SMURF1: variants seen among roughly 807,000 people sequenced by gnomAD.
SMURF1 encodes the protein SMAD specific E3 ubiquitin protein ligase 1.
Under a neutral mutation model 98.0 loss-of-function variants are expected in SMURF1, and 44 were observed. That is an observed-to-expected ratio of 0.45 (90% CI 0.35 to 0.58). The LOEUF (loss-of-function observed/expected upper bound fraction) is 0.58, where lower values mean the gene tolerates loss of function less well. Ranked by LOEUF, SMURF1 falls within the 20% of genes least tolerant of loss-of-function variation. The pLI, the probability that SMURF1 is intolerant of heterozygous loss-of-function variation, is 0.00. For synonymous variants in SMURF1, 396 were observed against 374.9 expected (o/e 1.06, Z -0.65); for missense variants, 687 against 938.4 (o/e 0.73, Z 3.50).
At chr7:99,118,871 T>C (rs142345619) in intron 1 of SMURF1, among the ~76,000 whole-genome samples, 2,132 of 152,176 alleles carry the variant, frequency 0.014, 19 homozygotes, top group Non-Finnish European at 0.022. Flanking sequence ...TATTTCTGCA[T>C]TGTTATTTTT....
In SMURF1 at chr7:99,049,605, C is replaced by T. The variant is rs139427854; in HGVS notation, c.911G>A (p.Arg304Gln). The change falls in exon 9 of 18, where the codon CGA becomes CAA. Residue 304 changes from arginine to glutamine, a missense_variant. Transcript: ENST00000361368. Reference protein sequence around the residue: ...GRIYFVDHNNRTTQFTDPRLH... With the variant: ...GRIYFVDHNNQTTQFTDPRLH... ...CCTTGGGTCTGTAAACTGGGTTGTT[C>T]GGTTATTATGATCTACAAAATATAT... 8.1e-6 allele frequency: 13 copies of T among 1,613,958 alleles called. No individual in the cohort carries two copies. The highest frequency in any genetic ancestry group is 2.2e-5 in the East Asian group (1 of 44,886).
At position 99,117,124 on chromosome 7, in the gene SMURF1, C is replaced by A. The variant is rs182835433; in HGVS notation, c.55+26602G>T. Among the ~76,000 whole-genome samples the A allele has an allele frequency of 3.0e-3, 449 of 151,518 alleles. 2 individuals carry two copies. The highest frequency in any genetic ancestry group is 0.01 in the African/African-American group (433 of 41,258). On this transcript the variant is annotated intron_variant, in intron 1 of 17. Coordinates refer to ENST00000361368, the MANE Select transcript of SMURF1 (RefSeq NM_181349.3). ...AAGTCTTTTTCAACAGTCTTTTCAA[C>A]AAATGGTGCAGGAACAACTGGATAT...
intron 16 of SMURF1, among the ~76,000 whole-genome samples, chr7:99,034,786 G>A (rs879490140): frequency 3.3e-5 from 5 of 152,186 alleles, no homozygotes; most frequent in African/African-American, 7.2e-5. Context: ...TGGAAAAGAT[G>A]CAGGTGCCCT....
intron 1 of SMURF1, among the ~76,000 whole-genome samples, chr7:99,103,240 T>C (rs186449750): frequency 6.6e-6 from 1 of 152,200 alleles, no homozygotes; most frequent in South Asian, 2.1e-4. Context: ...TAAACACCTA[T>C]GTATACACCA....
chr7:99,103,265 TAC>T (rs1429444473), intron 1 of SMURF1, among the ~76,000 whole-genome samples: 12 of 152,188 alleles, frequency 7.9e-5, no homozygotes, highest in African/African-American at 2.9e-4. Flanking sequence ...CAGCACTGTA[TAC>T]ATACGCCTGT....
chr7:99,035,271 G>A lies in SMURF1; in HGVS notation c.2011+244C>T, dbSNP rs555977044. The stretch of plus-strand genomic sequence containing the variant: ...CTCTTGGCTTTTTGGAAGCAGTGAG[G>A]AGGGGGAATCCAGGTGCCCTGGAGT... On this transcript the variant is annotated intron_variant, in intron 16 of 17. Coordinates refer to ENST00000361368, the MANE Select transcript of SMURF1 (RefSeq NM_181349.3). The A allele has an allele frequency of 1.3e-5, 7 of 554,208 alleles. No individual in the cohort carries two copies. The East Asian group carries it at 2.2e-4, about 17-fold the overall frequency. The allele number at this position is 554,208 out of a possible 1,614,324, so 34.3% of individuals were successfully genotyped here.
At chr7:99,071,633 G>A (rs980991301) in intron 1 of SMURF1, among the ~76,000 whole-genome samples, 47 of 152,160 alleles carry the variant, frequency 3.1e-4, no homozygotes, top group Admixed American at 3.1e-3. Flanking sequence ...GTTTTCTTTC[G>A]TTTGGTTTTT....
chr7:99,041,401 CAAA>C (rs769817730), intron 12 of SMURF1, among the ~76,000 whole-genome samples: 1 of 151,662 alleles, frequency 6.6e-6, no homozygotes, highest in Non-Finnish European at 1.5e-5. Context: ...GACTCTCTCT[CAAA>C]AAAAAGAAAA....
intron 1 of SMURF1, among the ~76,000 whole-genome samples, chr7:99,091,160 T>TA (rs1796801791): frequency 6.6e-6 from 1 of 152,184 alleles, no homozygotes; most frequent in South Asian, 2.1e-4. Context: ...CATATATACA[T>TA]AAAATCAGTG....
intron 1 of SMURF1, among the ~76,000 whole-genome samples, chr7:99,131,620 G>A (rs1797874126): frequency 6.6e-6 from 1 of 152,128 alleles, no homozygotes. Flanking sequence ...GGCTCATGCT[G>A]AGGTGGGGAT....
intron 1 of SMURF1, among the ~76,000 whole-genome samples, chr7:99,118,714 G>A (rs1324486633): frequency 1.3e-5 from 2 of 152,124 alleles, no homozygotes; most frequent in Non-Finnish European, 2.9e-5. Flanking sequence ...GTTAGATAGT[G>A]GTGATGGTTG....
chr7:99,067,608 TCA>T (rs1284238890), intron 1 of SMURF1, among the ~76,000 whole-genome samples: 1 of 152,144 alleles, frequency 6.6e-6, no homozygotes. Flanking sequence ...TGAGGTACAT[TCA>T]GTTAGTAAAA....
rs751442716 is a variant in SMURF1 at position 99,054,911 on chromosome 7, C to T, written c.404-46G>A. 8 of 1,542,364 alleles carry T rather than the reference C, an allele frequency of 5.2e-6. No individual in the cohort carries two copies. In the South Asian group the frequency reaches 6.7e-5, roughly 13 times the overall value. On this transcript the variant is annotated intron_variant, in intron 5 of 17. Transcript: ENST00000361368. ...TTGTGTTAAAACCCAGCGGGGTTTA[C>T]ATAATTATAATACAGTGAGTCATTG... is the stretch of plus-strand genomic sequence containing the variant.
chr7:99,037,229 T>C lies in SMURF1; in HGVS notation c.1689-42A>G, dbSNP rs778205594. ...CAAGTTGGATGCAACACCAAGTGGA[T>C]TTTCCGCCATGGGCAGGTTTTTTTT... On this transcript the variant is annotated intron_variant, in intron 14 of 17. Coordinates refer to ENST00000361368, the MANE Select transcript of SMURF1 (RefSeq NM_181349.3). 3 of 1,612,336 alleles carry C rather than the reference T, an allele frequency of 1.9e-6. No individual in the cohort carries two copies. In the African/African-American group the frequency reaches 4.0e-5, roughly 22 times the overall value.
chr7:99,115,459 GAC>G (rs1797418138), intron 1 of SMURF1, among the ~76,000 whole-genome samples: 1 of 152,090 alleles, frequency 6.6e-6, no homozygotes, highest in Non-Finnish European at 1.5e-5. Flanking sequence ...TGGGTGTGGT[GAC>G]ACACACCTGT....
At chr7:99,131,829 A>G (rs972300095) in intron 1 of SMURF1, among the ~76,000 whole-genome samples, 1 of 152,190 alleles carries the variant, frequency 6.6e-6, no homozygotes, top group Non-Finnish European at 1.5e-5. Flanking sequence ...TTAGCAGGAG[A>G]TAAGGCTGTG....
chr7:99,102,036 A>G (rs1308638415), intron 1 of SMURF1, among the ~76,000 whole-genome samples: 1 of 152,050 alleles, frequency 6.6e-6, no homozygotes, highest in Non-Finnish European at 1.5e-5. Context: ...ATGTGATATT[A>G]TGATGCACAT....
At chr7:99,049,894 A>G (rs1236642070) in intron 8 of SMURF1, 185 bp from the exon 9 acceptor site, 1 of 498,884 alleles carries the variant, frequency 2.0e-6, no homozygotes, top group African/African-American at 2.0e-5. Flanking sequence ...TGCTGCAAAC[A>G]GCAGCAACAT....
In SMURF1 at chr7:99,073,311, G is replaced by A. The variant is rs540736126; in HGVS notation, c.56-11474C>T. Among the ~76,000 whole-genome samples, 8 of 151,382 alleles carry A rather than the reference G, an allele frequency of 5.3e-5. No individual in the cohort carries two copies. The South Asian group carries it at 1.5e-3, about 28-fold the overall frequency. On this transcript the variant is annotated intron_variant, in intron 1 of 17. Transcript: ENST00000361368. The stretch of plus-strand genomic sequence containing the variant: ...GGAGAATTGCTTGAACCTGGGAGGC[G>A]TGGGTTGCAGTGAGTCCAGATCACG...
Sources: gnomAD v4.1 joint callset for allele counts (sites outside exome capture counted in the v4.1 genomes callset) on GRCh38, gnomAD v4.1.1 for gene constraint, MANE v1.5 for transcripts, NCBI Gene and HGNC (gene_info 2026-07-23, HGNC 2026-07-21) for gene names.